The following TFCP2L1 variants were observed in gnomAD, a reference collection of about 807,000 sequenced individuals.
TFCP2L1 encodes the protein transcription factor CP2 like 1, also known as transcription factor CP2-like protein 1.
Under a neutral mutation model 72.2 loss-of-function variants are expected in TFCP2L1, and 12 were observed. The observed-to-expected ratio is 0.17, with a 90% CI of 0.11 to 0.27. The LOEUF (loss-of-function observed/expected upper bound fraction) is 0.27. Among genes scored for constraint, TFCP2L1 ranks in the 10% least tolerant of loss-of-function variants. TFCP2L1 has a pLI of 1.00. For missense variants in TFCP2L1, 488 were observed against 624.6 expected, an observed-to-expected ratio of 0.78 and a Z score of 2.33; for synonymous variants, 260 against 251.0, an observed-to-expected ratio of 1.04 and a Z score of -0.34.
intron 14 of TFCP2L1, among the ~76,000 whole-genome samples, chr2:121,225,330 G>A (rs1266758165): frequency 6.6e-6 from 1 of 152,132 alleles, no homozygotes; most frequent in Non-Finnish European, 1.5e-5. Context: ...ACTCAACACT[G>A]AGTTCATAGA....
At chr2:121,246,146 C>T (rs1686476269) in intron 6 of TFCP2L1, among the ~76,000 whole-genome samples, 1 of 152,160 alleles carries the variant, frequency 6.6e-6, no homozygotes, top group Non-Finnish European at 1.5e-5. Flanking sequence ...CATGGATTGC[C>T]CTCATGCCCT....
chr2:121,224,158 G>A lies in TFCP2L1; in HGVS notation c.*183C>T. 1 of 630,866 alleles carries A rather than the reference G, an allele frequency of 1.6e-6. No homozygotes were observed. Among genetic ancestry groups the A allele is most frequent in the Non-Finnish European group, 2.8e-6 (1 of 360,654 alleles). The allele number at this position is 630,866 out of a possible 1,614,324, so 39.1% of individuals were successfully genotyped here. A position where few individuals can be genotyped will look rare whatever the true frequency, so the allele number is the denominator to read the frequency against. ...GGGAGAAAGGAGCCACTGGCTTTCT[G>A]TACACCGTACTTGGTGTCCACAGGC... On this transcript the variant is annotated 3_prime_UTR_variant, in exon 15 of 15. Coordinates refer to ENST00000263707, the MANE Select transcript of TFCP2L1 (RefSeq NM_014553.3).
rs1230014961 is a variant in TFCP2L1, at chr2:121,216,595, A to G, written c.*7746T>C. ...GGCCTGAGCCACAGAGGTTTCTTAC[A>G]AATGTGAGTTTTATTTGCATTCTAA... On this transcript the variant is annotated 3_prime_UTR_variant, in exon 15 of 15. Transcript: ENST00000263707. 1 of 152,260 alleles carries G rather than the reference A, an allele frequency of 6.6e-6. No individual in the cohort carries two copies. Among genetic ancestry groups the G allele is most frequent in the East Asian group, 1.9e-4 (1 of 5,208 alleles). The allele number at this position is 152,260 out of a possible 1,614,324, so 9.4% of individuals were successfully genotyped here.
intron 2 of TFCP2L1, 107 bp downstream of exon 2, chr2:121,281,013 G>T: frequency 6.8e-7 from 1 of 1,474,620 alleles, no homozygotes; most frequent in Non-Finnish European, 9.2e-7. Context: ...GCCCGACCTC[G>T]CCCGACCTCA....
In TFCP2L1 at chr2:121,231,147, T is replaced by G. The variant is rs1686135484; in HGVS notation, c.1341+679A>C. On this transcript the variant is annotated intron_variant, in intron 13 of 14. Coordinates refer to ENST00000263707, the MANE Select transcript of TFCP2L1 (RefSeq NM_014553.3). ...CACATCATATAGAGGCAGACAGGAT[T>G]AAATAAGTCGCTATGCATACACTTA... Among the ~76,000 whole-genome samples, 3 of 152,126 alleles carry G rather than the reference T, an allele frequency of 2.0e-5. No individual in the cohort carries two copies. The South Asian group carries it at 6.2e-4, about 32-fold the overall frequency.
At chr2:121,238,456 C>A (rs1169932770) in intron 8 of TFCP2L1, among the ~76,000 whole-genome samples, 1 of 152,190 alleles carries the variant, frequency 6.6e-6, no homozygotes, top group East Asian at 1.9e-4. Flanking sequence ...TGAGCGCTCT[C>A]CAGGTGGACG....
At chr2:121,233,324 G>A (rs111717341) in intron 12 of TFCP2L1, among the ~76,000 whole-genome samples, 8 of 152,240 alleles carry the variant, frequency 5.3e-5, no homozygotes, top group South Asian at 2.1e-4. Context: ...TGCCTCAGCT[G>A]GGATTACAGG....
intron 2 of TFCP2L1, among the ~76,000 whole-genome samples, chr2:121,280,584 C>A (rs1029351565): frequency 2.6e-5 from 4 of 151,586 alleles, no homozygotes; most frequent in African/African-American, 9.7e-5. Flanking sequence ...ATAGTGAGAC[C>A]CCCCCAGCTC....
At chr2:121,273,369 G>A (rs886997885) in intron 2 of TFCP2L1, among the ~76,000 whole-genome samples, 6 of 152,110 alleles carry the variant, frequency 3.9e-5, no homozygotes, top group Admixed American at 1.3e-4. Flanking sequence ...CAGCCTTCGG[G>A]AAGATATGTC....
rs1384971488 is a variant in TFCP2L1, at chr2:121,231,808, C to G, written c.1341+18G>C. The stretch of plus-strand genomic sequence containing the variant: ...GCCCAGAGCCCGTTGTCGGGGCAGG[C>G]CAGGCAGCAGCCCTCACCTCGTTGC... On this transcript the variant is annotated intron_variant, in intron 13 of 14. Coordinates refer to ENST00000263707, the MANE Select transcript of TFCP2L1 (RefSeq NM_014553.3). The G allele has an allele frequency of 6.2e-6, 10 of 1,610,996 alleles. No homozygotes were observed. The East Asian group carries it at 6.7e-5, about 11-fold the overall frequency.
intron 2 of TFCP2L1, among the ~76,000 whole-genome samples, chr2:121,266,163 T>C (rs958574837): frequency 2.7e-5 from 4 of 150,632 alleles, no homozygotes; most frequent in Non-Finnish European, 1.5e-5. Context: ...TTTTTAATAG[T>C]TTTTTTTTCC....
At chr2:121,239,345 A>C (rs545377782) in intron 8 of TFCP2L1, among the ~76,000 whole-genome samples, 1 of 152,274 alleles carries the variant, frequency 6.6e-6, no homozygotes, top group East Asian at 1.9e-4. Flanking sequence ...TCACCAGGTA[A>C]GTTCTGGGCC....
chr2:121,279,020 G>A (rs1243675557), intron 2 of TFCP2L1, among the ~76,000 whole-genome samples: 1 of 151,932 alleles, frequency 6.6e-6, no homozygotes, highest in Non-Finnish European at 1.5e-5. Context: ...AAAAGGAGTT[G>A]GAAGGGGTAG....
chr2:121,239,247 C>T (rs957432237), intron 8 of TFCP2L1, among the ~76,000 whole-genome samples: 1 of 152,348 alleles, frequency 6.6e-6, no homozygotes, highest in South Asian at 2.1e-4. Flanking sequence ...CCCTAAGGCA[C>T]CACTGTCAGG....
intron 2 of TFCP2L1, among the ~76,000 whole-genome samples, chr2:121,256,414 T>C (rs1242895055): frequency 6.6e-6 from 1 of 152,190 alleles, no homozygotes; most frequent in African/African-American, 2.4e-5. Flanking sequence ...CCATCTTTTC[T>C]CAATAGTGTG....
At chr2:121,281,300 A>G (rs1001801054) in intron 1 of TFCP2L1, 29 bp from the exon 2 acceptor site, 1 of 1,567,298 alleles carries the variant, frequency 6.4e-7, no homozygotes, top group Non-Finnish European at 8.6e-7. Flanking sequence ...AGAGGTCAGG[A>G]GCAGAGCCCC....
At chr2:121,237,909 G>C in intron 8 of TFCP2L1, 59 bp from the exon 9 acceptor site, 1 of 1,582,302 alleles carries the variant, frequency 6.3e-7, no homozygotes, top group South Asian at 1.1e-5. Flanking sequence ...AATGGCCACG[G>C]TCCCGGCACC....
chr2:121,275,464 T>C (rs545760808), intron 2 of TFCP2L1, among the ~76,000 whole-genome samples: 1 of 148,228 alleles, frequency 6.7e-6, no homozygotes, highest in Non-Finnish European at 1.5e-5. Flanking sequence ...TTAATAATAA[T>C]GGAAAATGTT....
intron 12 of TFCP2L1, among the ~76,000 whole-genome samples, chr2:121,232,715 G>T (rs1367628350): frequency 6.6e-6 from 1 of 152,144 alleles, no homozygotes; most frequent in East Asian, 1.9e-4. Flanking sequence ...GAGAAGGCCT[G>T]GTCTTTCCCC....
Sources: allele counts gnomAD v4.1 joint callset (sites outside exome capture counted in the v4.1 genomes callset), GRCh38; gene constraint gnomAD v4.1.1; transcripts MANE v1.5; gene names NCBI Gene and HGNC (gene_info 2026-07-23, HGNC 2026-07-21).